NELL2: variants seen among roughly 807,000 people sequenced by gnomAD.
The protein encoded by NELL2 is protein kinase C-binding protein NELL2.
Under a neutral mutation model 109.6 loss-of-function variants are expected in NELL2, and 41 were observed. That is an observed-to-expected ratio of 0.37 (90% CI 0.29 to 0.49). The LOEUF is 0.49. Ranked by LOEUF, NELL2 falls within the 20% of genes least tolerant of loss-of-function variation. The pLI is 0.98. For missense variants in NELL2, 900 were observed against 1,008.3 expected (o/e 0.89, Z 1.45); for synonymous variants, 355 against 344.7 (o/e 1.03, Z -0.33).
chr12:44,772,894 G>A (rs1026016915), intron 9 of NELL2, among the ~76,000 whole-genome samples: 15 of 151,848 alleles, frequency 9.9e-5, no homozygotes, highest in Non-Finnish European at 2.2e-4. Context: ...ACCAAAGACT[G>A]CCTGAAACAC....
intron 3 of NELL2, among the ~76,000 whole-genome samples, chr12:44,785,294 G>T (rs2136613044): frequency 6.6e-6 from 1 of 152,214 alleles, no homozygotes; most frequent in South Asian, 2.1e-4. Flanking sequence ...GCTACAAAGA[G>T]AATAAAATAC....
chr12:44,760,637 T>C (rs1941081645), intron 9 of NELL2, among the ~76,000 whole-genome samples: 1 of 91,248 alleles, frequency 1.1e-5, no homozygotes, highest in African/African-American at 4.0e-5. Context: ...GGTGTAATGT[T>C]CATAAGTGAA....
intron 2 of NELL2, among the ~76,000 whole-genome samples, chr12:44,827,352 T>G (rs1239574936): frequency 6.6e-6 from 1 of 152,134 alleles, no homozygotes; most frequent in African/African-American, 2.4e-5. Flanking sequence ...TAAATTATTT[T>G]TTACTATAGT....
At chr12:44,557,806 G>A (rs1318667210) in intron 15 of NELL2, among the ~76,000 whole-genome samples, 2 of 152,136 alleles carry the variant, frequency 1.3e-5, no homozygotes, top group African/African-American at 2.4e-5. Context: ...GTATTCACGA[G>A]AGAAAACAAG....
At chr12:44,670,949 G>A (rs554741298) in intron 12 of NELL2, among the ~76,000 whole-genome samples, 3 of 152,226 alleles carry the variant, frequency 2.0e-5, no homozygotes, top group Admixed American at 2.0e-4. Context: ...ACTACATGGA[G>A]TTAACATTTA....
intron 1 of NELL2, among the ~76,000 whole-genome samples, chr12:44,887,847 A>G (rs781103769): frequency 1.3e-5 from 2 of 151,882 alleles, no homozygotes; most frequent in Non-Finnish European, 2.9e-5. Flanking sequence ...ATGCAATCCC[A>G]TTTGTCTAAT....
At chr12:44,688,573 C>T (rs755200670) in intron 12 of NELL2, among the ~76,000 whole-genome samples, 2 of 152,154 alleles carry the variant, frequency 1.3e-5, no homozygotes, top group Non-Finnish European at 1.5e-5. Flanking sequence ...AAACAATTTT[C>T]GCAAGTTCCC....
At position 44,634,984 on chromosome 12, in the gene NELL2, C is replaced by A. The variant is rs529528387; in HGVS notation, c.1445-24014G>T. 8.5e-5 allele frequency among the ~76,000 whole-genome samples: 13 copies of A among 152,140 alleles called. No homozygotes were observed. In the South Asian group the frequency reaches 1.5e-3, roughly 17 times the overall value. ...TTTTAATGATCACCATTGTATCTGG[C>A]GTGAGATAGTATCTCATTGCGGTTT... On this transcript the variant is annotated intron_variant, in intron 13 of 19. Transcript: ENST00000429094.
At chr12:44,571,301 A>C (rs1185713661) in intron 15 of NELL2, among the ~76,000 whole-genome samples, 1 of 152,198 alleles carries the variant, frequency 6.6e-6, no homozygotes, top group Non-Finnish European at 1.5e-5. Flanking sequence ...TTCTTGGCTT[A>C]GCAGAGTGTG....
intron 16 of NELL2, among the ~76,000 whole-genome samples, chr12:44,527,967 G>A (rs1042478955): frequency 7.9e-5 from 12 of 151,502 alleles, no homozygotes; most frequent in Admixed American, 5.2e-4. Flanking sequence ...GGTGGCGGGC[G>A]CCTGTAGTCC....
intron 15 of NELL2, among the ~76,000 whole-genome samples, chr12:44,578,184 C>T (rs1272953928): frequency 8.5e-6 from 1 of 117,322 alleles, no homozygotes; most frequent in East Asian, 3.7e-4. Flanking sequence ...TGTGTTTTAA[C>T]AATTATTTTT....
intron 15 of NELL2, among the ~76,000 whole-genome samples, chr12:44,580,628 G>T (rs1361236493): frequency 6.6e-6 from 1 of 152,120 alleles, no homozygotes; most frequent in Non-Finnish European, 1.5e-5. Context: ...CAGAAGAATC[G>T]CTAGAACCCA....
intron 9 of NELL2, among the ~76,000 whole-genome samples, chr12:44,723,040 T>A (rs1261909116): frequency 1.3e-5 from 2 of 151,948 alleles, no homozygotes; most frequent in African/African-American, 4.8e-5. Flanking sequence ...TACAAAAAAA[T>A]TAGCCGGTCA....
chr12:44,682,593 G>A (rs1185387589), intron 12 of NELL2, among the ~76,000 whole-genome samples: 7 of 152,110 alleles, frequency 4.6e-5, no homozygotes, highest in Admixed American at 2.6e-4. Context: ...ATTGATTTTT[G>A]TATAAGGTGT....
At chr12:44,598,560 T>A (rs1351753090) in intron 15 of NELL2, among the ~76,000 whole-genome samples, 1 of 152,172 alleles carries the variant, frequency 6.6e-6, no homozygotes, top group Non-Finnish European at 1.5e-5. Flanking sequence ...ATCAGTGAAA[T>A]CATACTTATG....
intron 13 of NELL2, among the ~76,000 whole-genome samples, chr12:44,648,282 C>T (rs552842871): frequency 2.0e-5 from 3 of 152,252 alleles, no homozygotes; most frequent in African/African-American, 4.8e-5. Context: ...CAGTCACTTC[C>T]TACTTCCCTT....
intron 2 of NELL2, among the ~76,000 whole-genome samples, chr12:44,874,718 T>G (rs1284588742): frequency 6.6e-6 from 1 of 152,182 alleles, no homozygotes; most frequent in Non-Finnish European, 1.5e-5. Context: ...CAAAGATAAA[T>G]TTTGCCTCAA....
chr12:44,773,016 C>T (rs74561889), intron 9 of NELL2, among the ~76,000 whole-genome samples: 7 of 152,302 alleles, frequency 4.6e-5, no homozygotes, highest in Non-Finnish European at 8.8e-5. Flanking sequence ...CTCTTGGTAA[C>T]ACAGGCAAAT....
chr12:44,917,910 G>T (rs1219283153), upstream of NELL2, among the ~76,000 whole-genome samples: 1 of 152,192 alleles, frequency 6.6e-6, no homozygotes, highest in Non-Finnish European at 1.5e-5. Flanking sequence ...AGGGCTCTCC[G>T]CCATATAGCT....
Sources: gnomAD v4.1 joint callset for allele counts (sites outside exome capture counted in the v4.1 genomes callset) on GRCh38, gnomAD v4.1.1 for gene constraint, MANE v1.5 for transcripts, NCBI Gene and HGNC (gene_info 2026-07-23, HGNC 2026-07-21) for gene names.